The following RAB9B variants were observed in gnomAD, a reference collection of about 807,000 sequenced individuals.
The protein encoded by RAB9B is ras-related protein Rab-9B.
Under a neutral mutation model 8.9 loss-of-function variants are expected in RAB9B, and 1 was observed. That is an observed-to-expected ratio of 0.11 (90% CI 0.04 to 0.53). RAB9B has a LOEUF of 0.53. Ranked by LOEUF, RAB9B falls within the 20% of genes least tolerant of loss-of-function variation. The probability of loss-of-function intolerance (pLI) is 0.93; values close to 1 mark genes in which losing one functional copy is unlikely to be tolerated. For missense variants in RAB9B, 82 were observed against 152.9 expected (o/e 0.54, Z 2.45); for synonymous variants, 63 against 57.0 (o/e 1.10, Z -0.47).
chrX:103,781,760 T>G, the RAB9B span, among the ~76,000 whole-genome samples: 1 of 112,502 alleles, frequency 8.9e-6, no homozygotes, highest in Non-Finnish European at 1.9e-5. Flanking sequence ...CTGACTGAGT[T>G]GCATTGAGAA....
chrX:103,787,221 G>A, the RAB9B span, among the ~76,000 whole-genome samples: 6 of 111,917 alleles, frequency 5.4e-5, no homozygotes, highest in African/African-American at 2.0e-4. Context: ...AGATCTGCAT[G>A]TTGAATGTTT....
chrX:103,798,684 C>T, the RAB9B span, among the ~76,000 whole-genome samples: 1 of 106,844 alleles, frequency 9.4e-6, no homozygotes, highest in Non-Finnish European at 1.9e-5. Context: ...ACTCTGTCAC[C>T]CAGGCTGGAG....
the RAB9B span, chrX:103,786,580 G>A: frequency 1.7e-6 from 2 of 1,211,665 alleles, no homozygotes; most frequent in Non-Finnish European, 2.2e-6. Flanking sequence ...GATCTTTGGC[G>A]ACTACAAGAC....
At chrX:103,786,964 G>T in the RAB9B span, 1 of 428,224 alleles carries the variant, frequency 2.3e-6, no homozygotes, top group Non-Finnish European at 4.1e-6. Context: ...CATGAGTTTT[G>T]TGGGATGCTT....
chrX:103,813,509 C>T, the RAB9B span, among the ~76,000 whole-genome samples: 1 of 109,268 alleles, frequency 9.2e-6, no homozygotes. Context: ...TGTCTCTAGG[C>T]TGGAGGGCAG....
the RAB9B span, among the ~76,000 whole-genome samples, chrX:103,784,679 CA>C: frequency 8.9e-6 from 1 of 112,171 alleles, no homozygotes; most frequent in Non-Finnish European, 1.9e-5. Context: ...CTGACAATAC[CA>C]GCATCTCTGG....
chrX:103,779,581 T>A, the RAB9B span, among the ~76,000 whole-genome samples: 1 of 111,927 alleles, frequency 8.9e-6, no homozygotes, highest in Non-Finnish European at 1.9e-5. Flanking sequence ...CCTTTGGCCG[T>A]GCAGAGCCAG....
chrX:103,810,493 A>G, the RAB9B span, among the ~76,000 whole-genome samples: 2 of 112,283 alleles, frequency 1.8e-5, no homozygotes, highest in East Asian at 2.8e-4. Context: ...CAAAGCCCCC[A>G]GGTGGATCTG....
the RAB9B span, among the ~76,000 whole-genome samples, chrX:103,800,879 G>A: frequency 9.0e-6 from 1 of 111,517 alleles, no homozygotes; most frequent in East Asian, 2.8e-4. Flanking sequence ...TCAACATGCT[G>A]GGACAACTCC....
the RAB9B span, among the ~76,000 whole-genome samples, chrX:103,784,075 C>T: frequency 8.9e-6 from 1 of 112,159 alleles, no homozygotes; most frequent in South Asian, 3.7e-4. Flanking sequence ...TCTAGTCAGT[C>T]ATCTACTTGG....
the RAB9B span, chrX:103,786,075 G>A: frequency 9.5e-7 from 1 of 1,053,740 alleles, no homozygotes; most frequent in African/African-American, 1.9e-5. Flanking sequence ...TAGGTATGGA[G>A]AAGCCAAGGG....
chrX:103,778,837 C>T, the RAB9B span, among the ~76,000 whole-genome samples: 19 of 112,337 alleles, frequency 1.7e-4, no homozygotes, highest in African/African-American at 6.1e-4. Context: ...ATGTGGAGTG[C>T]ACTGCTGTTC....
chrX:103,788,055 AT>A, the RAB9B span: 1 of 719,424 alleles, frequency 1.4e-6, no homozygotes, highest in Non-Finnish European at 2.2e-6. Flanking sequence ...GAGGGTGGTG[AT>A]TATGAGAAAA....
the RAB9B span, chrX:103,790,492 A>G: frequency 9.6e-7 from 1 of 1,044,604 alleles, no homozygotes; most frequent in Admixed American, 2.2e-5. Context: ...TTTCTTTTCT[A>G]CTCTCATTCA....
chrX:103,792,748 A>G, the RAB9B span: 2 of 112,747 alleles, frequency 1.8e-5, no homozygotes, highest in Admixed American at 1.9e-4. Context: ...TCTGAAATAA[A>G]TAGTATATGA....
At chrX:103,807,989 AT>A in the RAB9B span, among the ~76,000 whole-genome samples, 1 of 112,108 alleles carries the variant, frequency 8.9e-6, no homozygotes, top group Non-Finnish European at 1.9e-5. Flanking sequence ...AGTTATCCCT[AT>A]TGTACCTTGA....
At chrX:103,784,907 A>C in the RAB9B span, among the ~76,000 whole-genome samples, 3 of 112,426 alleles carry the variant, frequency 2.7e-5, no homozygotes, top group Non-Finnish European at 5.6e-5. Flanking sequence ...TTCCATAAAT[A>C]GTTGATGAAT....
At chrX:103,776,985 G>A in the RAB9B span, 2 of 1,202,229 alleles carry the variant, frequency 1.7e-6, no homozygotes, top group Non-Finnish European at 2.3e-6. Context: ...TGGAGTCAGA[G>A]TCCCAAAGAC....
At chrX:103,814,471 C>T in the RAB9B span, among the ~76,000 whole-genome samples, 8 of 111,377 alleles carry the variant, frequency 7.2e-5, no homozygotes, top group Non-Finnish European at 1.3e-4. Flanking sequence ...ACTAAATGTC[C>T]ACAAGAGAAA....
Sources: allele counts gnomAD v4.1 joint callset (sites outside exome capture counted in the v4.1 genomes callset), GRCh38; gene constraint gnomAD v4.1.1; transcripts MANE v1.5; gene names NCBI Gene and HGNC (gene_info 2026-07-23, HGNC 2026-07-21).